Variants in CNTLN observed in about 807,000 individuals in gnomAD.
The protein encoded by CNTLN is centlein.
A neutral mutation model predicts 180.0 loss-of-function variants in CNTLN; 212 were observed. That is an observed-to-expected ratio of 1.18 (90% CI 1.05 to 1.32). CNTLN has a LOEUF of 1.32. CNTLN is among the 40% of genes most tolerant of loss of function. The pLI, the probability that CNTLN is intolerant of heterozygous loss-of-function variation, is 0.00. For synonymous variants in CNTLN, 722 were observed against 563.1 expected (o/e 1.28, Z -3.99); for missense variants, 2,095 against 1,610.9 (o/e 1.30, Z -5.14).
intron 13 of CNTLN, among the ~76,000 whole-genome samples, chr9:17,383,408 G>T (rs1455049385): frequency 6.6e-6 from 1 of 151,802 alleles, no homozygotes; most frequent in East Asian, 2.0e-4. Context: ...CAGCTACTTG[G>T]GTCGCTGAGG....
rs1427178376 is a variant in CNTLN at position 17,366,709 on chromosome 9, G to A, written c.1979G>A (p.Arg660Lys). 6.5e-7 allele frequency: 1 copy of A among 1,550,278 alleles called. No individual in the cohort carries two copies. Among genetic ancestry groups the A allele is most frequent in the Non-Finnish European group, 8.8e-7 (1 of 1,136,190 alleles). ...IQELNRCVAE[R>K]REEQLFRSGE... is the part of the protein sequence containing the mutation. ...GAATTGAATAGATGTGTGGCAGAGA[G>A]AAGAGAAGGTAAATTTTCAGAAAAT... The change falls in exon 13 of 26, where the codon AGA becomes AAA. Residue 660 changes from arginine (R) to lysine (K), a missense_variant. Coordinates refer to ENST00000380647, the MANE Select transcript of CNTLN (RefSeq NM_017738.4).
intron 18 of CNTLN, among the ~76,000 whole-genome samples, chr9:17,440,625 T>TA (rs1830056404): frequency 6.8e-6 from 1 of 146,638 alleles, no homozygotes; most frequent in African/African-American, 2.6e-5. Flanking sequence ...TAAGTTCACA[T>TA]AAAAAACTTG....
intron 12 of CNTLN, among the ~76,000 whole-genome samples, chr9:17,364,982 T>C (rs901613909): frequency 6.6e-6 from 1 of 152,196 alleles, no homozygotes; most frequent in Non-Finnish European, 1.5e-5. Context: ...GTTCAGATAT[T>C]CAGGTTTTCA....
chr9:17,508,746 C>T (rs940713304), downstream of CNTLN, among the ~76,000 whole-genome samples: 1 of 152,118 alleles, frequency 6.6e-6, no homozygotes, highest in African/African-American at 2.4e-5. Context: ...TATCAATAGC[C>T]CACTTATTTT....
At position 17,135,371 on chromosome 9, in the gene CNTLN, G is replaced by A. The variant is rs1817635386; in HGVS notation, c.306G>A (p.Thr102=). 1.3e-6 allele frequency: 2 copies of A among 1,599,482 alleles called. No homozygotes were observed. Among genetic ancestry groups the A allele is most frequent in the Non-Finnish European group, 1.7e-6 (2 of 1,174,070 alleles). ...ISVEEAMVTR[T]QLLEEELSSL... is the part of the protein sequence containing the mutation. ...TAGAGGAGGCGATGGTGACCCGGAC[G>A]CAGCTGCTGGAGGAAGAGCTGAGCA... Residue 102 remains threonine (T), a synonymous_variant, in exon 1 of 26, where the codon ACG becomes ACA. Transcript: ENST00000380647.
chr9:17,371,085 A>G (rs559975708), intron 13 of CNTLN, among the ~76,000 whole-genome samples: 2 of 152,296 alleles, frequency 1.3e-5, no homozygotes, highest in South Asian at 2.1e-4. Flanking sequence ...CAAAATAACC[A>G]GGAAACCAAC....
At position 17,330,768 on chromosome 9, in the gene CNTLN, C is replaced by T. The variant is rs767661318; in HGVS notation, c.1478C>T (p.Ser493Phe). The stretch of plus-strand genomic sequence containing the variant: ...AACATATCTGCCAACAAGGGTTTCT[C>T]CCGAAAGAGCATCATGACAAGTGCT... ...SENISANKGF[S>F]RKSIMTSAEG... The change falls in exon 9 of 26, where the codon TCC becomes TTC. Residue 493 changes from serine (S) to phenylalanine (F), a missense_variant. Coordinates refer to ENST00000380647, the MANE Select transcript of CNTLN (RefSeq NM_017738.4). 9.3e-6 allele frequency: 15 copies of T among 1,609,728 alleles called. No individual in the cohort carries two copies. In the Admixed American group the frequency reaches 2.2e-4, roughly 24 times the overall value.
chr9:17,445,482 A>G (rs981571251), intron 18 of CNTLN, among the ~76,000 whole-genome samples: 33 of 152,200 alleles, frequency 2.2e-4, no homozygotes, highest in African/African-American at 8.0e-4. Context: ...CTGTTAATCT[A>G]TAACCTTACC....
At chr9:17,200,110 C>T (rs1050481970) in intron 2 of CNTLN, among the ~76,000 whole-genome samples, 1 of 152,098 alleles carries the variant, frequency 6.6e-6, no homozygotes, top group African/African-American at 2.4e-5. Flanking sequence ...TTTCCCATTG[C>T]TTGTTTTTGT....
rs369814532 is a variant in CNTLN, at chr9:17,322,226, A to G, written c.1342-8406A>G. On this transcript the variant is annotated intron_variant, in intron 8 of 25. Coordinates refer to ENST00000380647, the MANE Select transcript of CNTLN (RefSeq NM_017738.4). ...TTTCAGGAGAGAACAACTTAGCAGT[A>G]AAATATAATGTTATGATATGATTTT... Among the ~76,000 whole-genome samples, 14 of 152,278 alleles carry G rather than the reference A, an allele frequency of 9.2e-5. No individual in the cohort carries two copies. The South Asian group carries it at 1.0e-3, about 11-fold the overall frequency.
chr9:17,528,397 G>A, the CNTLN span, among the ~76,000 whole-genome samples: 1 of 152,288 alleles, frequency 6.6e-6, no homozygotes, highest in South Asian at 2.1e-4. Context: ...GCTTGATTAT[G>A]AAGAGGACAT....
rs533433180 is a variant in CNTLN, at chr9:17,259,554, C to T, written c.850-14179C>T. 1.0e-3 allele frequency among the ~76,000 whole-genome samples: 155 copies of T among 150,310 alleles called. 12 individuals carry two copies. The highest frequency in any genetic ancestry group is 3.7e-3 in the African/African-American group (150 of 40,076). Reference sequence around the variant, plus strand: ...GGAATAGTTTCAGAAGGAATGGTACCAGTTCCTCCTTGTACCTCTGGTAGA... The same window carrying T: ...GGAATAGTTTCAGAAGGAATGGTACTAGTTCCTCCTTGTACCTCTGGTAGA... On this transcript the variant is annotated intron_variant, in intron 5 of 25. Coordinates refer to ENST00000380647, the MANE Select transcript of CNTLN (RefSeq NM_017738.4).
At chr9:17,268,256 A>G (rs933342017) in intron 5 of CNTLN, among the ~76,000 whole-genome samples, 4 of 152,132 alleles carry the variant, frequency 2.6e-5, no homozygotes, top group Non-Finnish European at 5.9e-5. Flanking sequence ...CTTCTATCAG[A>G]CAGGACCCTC....
At chr9:17,465,600 A>T (rs1379313236) in intron 21 of CNTLN, among the ~76,000 whole-genome samples, 1 of 150,952 alleles carries the variant, frequency 6.6e-6, no homozygotes, top group African/African-American at 2.4e-5. Context: ...AAGGTATGTA[A>T]TAGTTATTTT....
chr9:17,198,002 C>G (rs1049065408), intron 2 of CNTLN, among the ~76,000 whole-genome samples: 2 of 152,172 alleles, frequency 1.3e-5, no homozygotes, highest in Admixed American at 6.5e-5. Context: ...TCTCCTTTCC[C>G]CAATGTATAT....
chr9:17,436,552 A>G (rs1356355943), intron 18 of CNTLN, among the ~76,000 whole-genome samples: 1 of 152,238 alleles, frequency 6.6e-6, no homozygotes, highest in African/African-American at 2.4e-5. Flanking sequence ...AACATTGAGC[A>G]TGAAAACTAC....
intron 9 of CNTLN, among the ~76,000 whole-genome samples, chr9:17,331,359 C>G (rs891695872): frequency 2.1e-5 from 2 of 96,244 alleles, no homozygotes; most frequent in African/African-American, 7.2e-5. Flanking sequence ...TTATTAATGT[C>G]TCAATTTTTT....
chr9:17,423,472 C>T (rs996150457), intron 18 of CNTLN, among the ~76,000 whole-genome samples: 3 of 151,902 alleles, frequency 2.0e-5, no homozygotes, highest in Non-Finnish European at 4.4e-5. Context: ...CTCCTTTCTG[C>T]AATCAGGAGT....
At chr9:17,199,018 G>T (rs1465931773) in intron 2 of CNTLN, among the ~76,000 whole-genome samples, 2 of 151,990 alleles carry the variant, frequency 1.3e-5, no homozygotes, top group African/African-American at 2.4e-5. Flanking sequence ...ATAGTAGAAG[G>T]ATTTATAATC....
Sources: allele counts gnomAD v4.1 joint callset (sites outside exome capture counted in the v4.1 genomes callset), GRCh38; gene constraint gnomAD v4.1.1; transcripts MANE v1.5; gene names NCBI Gene and HGNC (gene_info 2026-07-23, HGNC 2026-07-21).